CREB5: variants seen among roughly 807,000 people sequenced by gnomAD.
CREB5 encodes cyclic AMP-responsive element-binding protein 5.
Under a neutral mutation model 57.1 loss-of-function variants are expected in CREB5, and 19 were observed. The observed-to-expected ratio is 0.33, with a 90% CI of 0.23 to 0.49. The LOEUF is 0.49. Ranked by LOEUF, CREB5 falls within the 20% of genes least tolerant of loss-of-function variation. The probability of loss-of-function intolerance (pLI) is 0.99; values close to 1 mark genes in which losing one functional copy is unlikely to be tolerated. For missense variants in CREB5, 579 were observed against 671.6 expected, an observed-to-expected ratio of 0.86 and a Z score of 1.52; for synonymous variants, 238 against 238.3, an observed-to-expected ratio of 1.00 and a Z score of 0.01.
In CREB5 at chr7:28,657,725, A is replaced by G. The variant is rs141572449; in HGVS notation, c.465-61028A>G. On this transcript the variant is annotated intron_variant, in intron 5 of 10. Coordinates refer to ENST00000357727, the MANE Select transcript of CREB5 (RefSeq NM_182898.4). The stretch of plus-strand genomic sequence containing the variant: ...GAGCAAGACTCTCTCTCGAAAAAAA[A>G]AAAAAAAAAAAAAGAATAAAATTGC... Among the ~76,000 whole-genome samples the G allele has an allele frequency of 9.7e-3, 1,446 of 149,824 alleles. 22 individuals carry two copies. The highest frequency in any genetic ancestry group is 0.017 in the Middle Eastern group (5 of 294).
intron 1 of CREB5, among the ~76,000 whole-genome samples, chr7:28,464,514 T>A (rs1790479157): frequency 6.6e-6 from 1 of 151,522 alleles, no homozygotes; most frequent in Non-Finnish European, 1.5e-5. Flanking sequence ...TGTGTGTGTG[T>A]GTGTGTGTGT....
intron 1 of CREB5, among the ~76,000 whole-genome samples, chr7:28,480,056 T>A (rs1297156877): frequency 1.3e-5 from 2 of 150,828 alleles, no homozygotes; most frequent in African/African-American, 4.9e-5. Flanking sequence ...ATAAAAATCA[T>A]CTGCATGTGT....
intron 5 of CREB5, among the ~76,000 whole-genome samples, chr7:28,707,914 T>A (rs7798774): frequency 1.1e-4 from 17 of 152,058 alleles, no homozygotes; most frequent in Non-Finnish European, 2.1e-4. Flanking sequence ...GCTAAAGAAG[T>A]CTTATTTCCT....
At chr7:28,754,764 C>T (rs924429894) in intron 7 of CREB5, among the ~76,000 whole-genome samples, 1 of 152,144 alleles carries the variant, frequency 6.6e-6, no homozygotes, top group African/African-American at 2.4e-5. Flanking sequence ...AACGTTTTAC[C>T]TCCTGCTTTA....
At chr7:28,771,858 G>A in intron 7 of CREB5, among the ~76,000 whole-genome samples, 1 of 151,928 alleles carries the variant, frequency 6.6e-6, no homozygotes, top group East Asian at 1.9e-4. Context: ...TTTTTTCTTT[G>A]GTCATTTAAA....
intron 5 of CREB5, among the ~76,000 whole-genome samples, chr7:28,656,760 G>A (rs1228688587): frequency 1.3e-5 from 2 of 152,196 alleles, no homozygotes; most frequent in African/African-American, 4.8e-5. Context: ...AGTTGAGAGA[G>A]ATGTTTAGTC....
chr7:28,475,539 C>G (rs1489689224), intron 1 of CREB5, among the ~76,000 whole-genome samples: 2 of 151,164 alleles, frequency 1.3e-5, no homozygotes, highest in East Asian at 3.9e-4. Flanking sequence ...ATGTAGTGTA[C>G]TAAGGAAAAT....
intron 1 of CREB5, among the ~76,000 whole-genome samples, chr7:28,485,819 C>T (rs1323348602): frequency 1.3e-5 from 2 of 151,942 alleles, no homozygotes. Flanking sequence ...AAATCATTTT[C>T]TCAGCTTTAA....
At chr7:28,506,606 C>T (rs1222954183) in intron 3 of CREB5, among the ~76,000 whole-genome samples, 1 of 152,196 alleles carries the variant, frequency 6.6e-6, no homozygotes, top group Non-Finnish European at 1.5e-5. Flanking sequence ...TTCTGATCTG[C>T]AAAAATTTAG....
chr7:28,438,918 GCAAA>G (rs1789074194), intron 1 of CREB5, among the ~76,000 whole-genome samples: 1 of 152,178 alleles, frequency 6.6e-6, no homozygotes, highest in African/African-American at 2.4e-5. Flanking sequence ...TGGGAAAGGA[GCAAA>G]CAGAGATACT....
At chr7:28,693,134 T>C (rs1179392541) in intron 5 of CREB5, among the ~76,000 whole-genome samples, 1 of 152,224 alleles carries the variant, frequency 6.6e-6, no homozygotes, top group Non-Finnish European at 1.5e-5. Context: ...AACTGAATTC[T>C]GCTTTATGGT....
intron 7 of CREB5, among the ~76,000 whole-genome samples, chr7:28,786,277 C>A (rs889018613): frequency 2.0e-5 from 3 of 152,120 alleles, no homozygotes; most frequent in Non-Finnish European, 1.5e-5. Flanking sequence ...GATGGAGTCT[C>A]GCTCTGTTAC....
At chr7:28,645,289 G>A (rs1798846884) in intron 5 of CREB5, among the ~76,000 whole-genome samples, 2 of 152,216 alleles carry the variant, frequency 1.3e-5, no homozygotes, top group African/African-American at 4.8e-5. Flanking sequence ...TCATGAGGGA[G>A]AAGATTTCAG....
intron 4 of CREB5, among the ~76,000 whole-genome samples, chr7:28,560,829 CGCGCGT>C (rs1562797042): frequency 1.5e-5 from 1 of 65,246 alleles, no homozygotes; most frequent in Non-Finnish European, 3.1e-5. Context: ...TGTGCGCGCG[CGCGCGT>C]GTGTGTGTGC....
At chr7:28,807,003 A>G (rs1808766314) in intron 8 of CREB5, among the ~76,000 whole-genome samples, 2 of 152,246 alleles carry the variant, frequency 1.3e-5, no homozygotes, top group Admixed American at 1.3e-4. Flanking sequence ...AGGAATTAGC[A>G]TCTGGAATGA....
At chr7:28,560,633 A>G (rs1168183202) in intron 4 of CREB5, among the ~76,000 whole-genome samples, 1 of 152,100 alleles carries the variant, frequency 6.6e-6, no homozygotes, top group African/African-American at 2.4e-5. Flanking sequence ...GAGGCAAGGC[A>G]GATGTGGGAA....
chr7:28,351,761 A>G (rs1239444189), intron 1 of CREB5, among the ~76,000 whole-genome samples: 1 of 139,948 alleles, frequency 7.1e-6, no homozygotes, highest in African/African-American at 2.5e-5. Flanking sequence ...TGTTATAATT[A>G]TGGTTTAGAA....
At chr7:28,312,962 A>G (rs1045228503) in intron 1 of CREB5, among the ~76,000 whole-genome samples, 3 of 152,202 alleles carry the variant, frequency 2.0e-5, no homozygotes, top group Admixed American at 1.3e-4. Context: ...ATGGCCATCC[A>G]GTTCAATCTC....
intron 5 of CREB5, among the ~76,000 whole-genome samples, chr7:28,595,671 C>A (rs1335169663): frequency 6.6e-6 from 1 of 152,166 alleles, no homozygotes; most frequent in East Asian, 1.9e-4. Context: ...ACGCTTCTCA[C>A]CAGCGTGGTC....
Sources: gnomAD v4.1 joint callset for allele counts (sites outside exome capture counted in the v4.1 genomes callset) on GRCh38, gnomAD v4.1.1 for gene constraint, MANE v1.5 for transcripts, NCBI Gene and HGNC (gene_info 2026-07-23, HGNC 2026-07-21) for gene names.